PRKCZ: variants seen among roughly 807,000 people sequenced by gnomAD.
The protein encoded by PRKCZ is protein kinase C zeta type.
Under a neutral mutation model 79.5 loss-of-function variants are expected in PRKCZ, and 33 were observed. That is an observed-to-expected ratio of 0.41 (90% CI 0.31 to 0.55). The LOEUF is 0.55. Among genes scored for constraint, PRKCZ ranks in the 20% least tolerant of loss-of-function variants. PRKCZ has a pLI of 0.19. For missense variants in PRKCZ, 578 were observed against 813.5 expected (o/e 0.71, Z 3.52); for synonymous variants, 342 against 320.9 (o/e 1.07, Z -0.70).
At chr1:2,069,553 GTGTTGA>G (rs1359279592) in intron 4 of PRKCZ, among the ~76,000 whole-genome samples, 2 of 152,230 alleles carry the variant, frequency 1.3e-5, no homozygotes, top group African/African-American at 4.8e-5. Flanking sequence ...ATTGGAGCGA[GTGTTGA>G]TACCTGTCTC....
At chr1:2,080,220 A>G (rs1220645302) in intron 4 of PRKCZ, among the ~76,000 whole-genome samples, 3 of 146,672 alleles carry the variant, frequency 2.0e-5, no homozygotes, top group South Asian at 2.1e-4. Context: ...TCAGTCAGTG[A>G]TGTGTTTGAG....
intron 4 of PRKCZ, among the ~76,000 whole-genome samples, chr1:2,080,386 C>G (rs1237547291): frequency 7.8e-6 from 1 of 128,478 alleles, no homozygotes; most frequent in African/African-American, 5.0e-5. Context: ...CGTCCCACTG[C>G]TCTGCATCCT....
rs1659555928 is a variant in PRKCZ, at chr1:2,050,679, C to T, written c.49C>T (p.Arg17Cys). The T allele has an allele frequency of 5.7e-6, 7 of 1,227,260 alleles. No individual in the cohort carries two copies. In the South Asian group the frequency reaches 2.9e-4, roughly 51 times the overall value. The allele number at this position is 1,227,260 out of a possible 1,614,324, so 76.0% of individuals were successfully genotyped here. ...GATGGAAGGGAGCGGCGGCCGCGTC[C>T]GCCTCAAGGCGCATTACGGGGGGTG... is the stretch of plus-strand genomic sequence containing the variant. ...PKMEGSGGRV[R>C]LKAHYGGDIF... The change falls in exon 1 of 18, where the codon CGC (arginine) becomes TGC (cysteine). Residue 17 changes from arginine to cysteine, a missense_variant. Transcript: ENST00000378567.
intron 4 of PRKCZ, chr1:2,073,409 C>A (rs1661802562): frequency 1.3e-5 from 2 of 155,326 alleles, no homozygotes; most frequent in Non-Finnish European, 2.8e-5. Flanking sequence ...CCTCTGGACG[C>A]AGGTCAGAGG....
At chr1:2,081,809 C>T (rs1053265676) in intron 4 of PRKCZ, among the ~76,000 whole-genome samples, 1 of 151,980 alleles carries the variant, frequency 6.6e-6, no homozygotes, top group East Asian at 1.9e-4. Context: ...CCCCCCACAC[C>T]CCACCACTGC....
intron 6 of PRKCZ, 26 bp downstream of exon 6, chr1:2,144,367 G>A (rs1026266717): frequency 3.9e-6 from 6 of 1,554,044 alleles, no homozygotes; most frequent in African/African-American, 2.7e-5. Context: ...GGGGAGGCCC[G>A]GGGGGCACGG....
At chr1:2,109,934 C>T (rs1374873139) in intron 4 of PRKCZ, among the ~76,000 whole-genome samples, 1 of 152,230 alleles carries the variant, frequency 6.6e-6, no homozygotes, top group East Asian at 1.9e-4. Context: ...TGGCCATTGG[C>T]TGGGGTGTTG....
intron 4 of PRKCZ, among the ~76,000 whole-genome samples, chr1:2,105,655 C>T (rs1054335891): frequency 6.6e-6 from 1 of 152,220 alleles, no homozygotes; most frequent in Admixed American, 6.5e-5. Flanking sequence ...CCACCTCAGC[C>T]TCCCAAAGTG....
Position 2,075,402 on chromosome 1 carries a change from A to G in PRKCZ, c.334+15811A>G, listed in dbSNP as rs1052099579. The G allele has an allele frequency of 1.3e-4, 20 of 151,568 alleles. No homozygotes were observed. The highest frequency in any genetic ancestry group is 4.9e-4 in the African/African-American group (20 of 41,178). 9.4% of individuals were successfully genotyped at this position (151,568 alleles called of 1,614,324 possible). On this transcript the variant is annotated intron_variant, in intron 4 of 17. Coordinates refer to ENST00000378567, the MANE Select transcript of PRKCZ (RefSeq NM_002744.6). This position sits in a 1 kb window ranked among gnomAD's most constrained non-coding sequence, Gnocchi z 4.8. Reference sequence around the variant, plus strand: ...TGGGTGAGTCAGAGCTGGGATGGGGACAGATTGGAGGGGCCACCGGCTGCC... The same window carrying G: ...TGGGTGAGTCAGAGCTGGGATGGGGGCAGATTGGAGGGGCCACCGGCTGCC...
intron 4 of PRKCZ, among the ~76,000 whole-genome samples, chr1:2,083,343 C>T (rs1663925161): frequency 6.6e-6 from 1 of 152,154 alleles, no homozygotes; most frequent in South Asian, 2.1e-4. Flanking sequence ...CCACCACATT[C>T]ATGAAAATTA....
intron 4 of PRKCZ, among the ~76,000 whole-genome samples, chr1:2,131,001 A>T (rs1033422587): frequency 1.3e-5 from 2 of 152,182 alleles, no homozygotes; most frequent in Non-Finnish European, 2.9e-5. Flanking sequence ...TCCCGCAAGC[A>T]GTGCCAGCAC....
At chr1:2,055,979 C>T (rs1430678352) in intron 2 of PRKCZ, 1 of 184,948 alleles carries the variant, frequency 5.4e-6, no homozygotes, top group African/African-American at 2.3e-5. Context: ...TTAGACACAT[C>T]CTGAAAAACA....
intron 4 of PRKCZ, among the ~76,000 whole-genome samples, chr1:2,078,730 A>C (rs1427928722): frequency 6.6e-6 from 1 of 151,474 alleles, no homozygotes; most frequent in Non-Finnish European, 1.5e-5. Context: ...TTCTTTGTTT[A>C]TGTTATATGC....
chr1:2,181,641 GAAACTGAGGC>G (rs1353956668), intron 16 of PRKCZ, among the ~76,000 whole-genome samples: 1 of 152,130 alleles, frequency 6.6e-6, no homozygotes, highest in African/African-American at 2.4e-5. Flanking sequence ...TGCTGTCAGG[GAAACTGAGGC>G]AATCTTGAGC....
rs564366520 is a variant in PRKCZ, at chr1:2,177,594, G to A, written c.1575+2281G>A. Among the ~76,000 whole-genome samples the A allele has an allele frequency of 2.6e-5, 4 of 152,272 alleles. No individual in the cohort carries two copies. The highest frequency in any genetic ancestry group is 7.2e-5 in the African/African-American group (3 of 41,548). On this transcript the variant is annotated intron_variant, in intron 16 of 17. Transcript: ENST00000378567. This position sits in a 1 kb window ranked among gnomAD's most constrained non-coding sequence, Gnocchi z 6.4. ...TCTGAGTGTGAGTCCAACCCTGCCC[G>A]AGCCGGAACTCAAGGAGACCATGAA...
At chr1:2,070,694 G>A (rs1056735665) in intron 4 of PRKCZ, among the ~76,000 whole-genome samples, 12 of 151,740 alleles carry the variant, frequency 7.9e-5, no homozygotes, top group African/African-American at 2.9e-4. Flanking sequence ...AGCCATGGGG[G>A]CCGTGGAGGG....
At chr1:2,141,668 T>G (rs1677347763) in intron 5 of PRKCZ, 1 of 155,520 alleles carries the variant, frequency 6.4e-6, no homozygotes, top group Non-Finnish European at 1.4e-5. Flanking sequence ...TTTGTAAAGA[T>G]ACCTGGTGGC....
intron 4 of PRKCZ, among the ~76,000 whole-genome samples, chr1:2,106,361 C>A (rs986297152): frequency 6.6e-6 from 1 of 152,208 alleles, no homozygotes; most frequent in Non-Finnish European, 1.5e-5. Context: ...TGCCTGGCTC[C>A]TGGCAACCTG....
chr1:2,169,438 G>C (rs1683978919), intron 10 of PRKCZ, 80 bp from the exon 11 acceptor site: 1 of 1,291,530 alleles, frequency 7.7e-7, no homozygotes, highest in African/African-American at 1.5e-5. Context: ...GCCCACGAAG[G>C]CCGCTTCTGT....
Sources: gnomAD v4.1 joint callset for allele counts (sites outside exome capture counted in the v4.1 genomes callset) on GRCh38, gnomAD v4.1.1 for gene constraint, Gnocchi (gnomAD v3.1) non-coding constraint, MANE v1.5 for transcripts, NCBI Gene and HGNC (gene_info 2026-07-23, HGNC 2026-07-21) for gene names.